The following FNBP1L variants were observed in gnomAD, a reference collection of about 807,000 sequenced individuals.
FNBP1L encodes the protein formin binding protein 1 like.
A neutral mutation model predicts 91.2 loss-of-function variants in FNBP1L; 36 were observed. The observed-to-expected ratio is 0.39, with a 90% CI of 0.30 to 0.52. The LOEUF (loss-of-function observed/expected upper bound fraction) is 0.52. Ranked by LOEUF, FNBP1L falls within the 20% of genes least tolerant of loss-of-function variation. The probability of loss-of-function intolerance (pLI) is 0.66; values close to 1 mark genes in which losing one functional copy is unlikely to be tolerated. For missense variants in FNBP1L, 571 were observed against 732.1 expected (o/e 0.78, Z 2.54); for synonymous variants, 242 against 237.0 (o/e 1.02, Z -0.19).
chr1:93,552,302 A>G (rs1672439178), intron 16 of FNBP1L, 107 bp from the exon 17 acceptor site: 2 of 1,495,982 alleles, frequency 1.3e-6, no homozygotes, highest in Admixed American at 2.3e-5. Flanking sequence ...GTAGCTGACT[A>G]TAAAATGATA....
intron 1 of FNBP1L, among the ~76,000 whole-genome samples, chr1:93,473,101 G>A (rs1209322745): frequency 6.6e-6 from 1 of 151,884 alleles, no homozygotes; most frequent in Non-Finnish European, 1.5e-5. Flanking sequence ...TTTATTCTTA[G>A]TATCATCTTA....
chr1:93,521,029 G>A (rs1162535769), intron 2 of FNBP1L, among the ~76,000 whole-genome samples: 1 of 147,194 alleles, frequency 6.8e-6, no homozygotes, highest in African/African-American at 2.5e-5. Flanking sequence ...GCGACACAGT[G>A]AGACTCCATC....
intron 1 of FNBP1L, among the ~76,000 whole-genome samples, chr1:93,458,814 T>G (rs1408907192): frequency 6.6e-6 from 1 of 152,234 alleles, no homozygotes; most frequent in Non-Finnish European, 1.5e-5. Context: ...TACTATTTAT[T>G]GTTCTAATTG....
chr1:93,479,715 A>G (rs1669624667), intron 1 of FNBP1L, among the ~76,000 whole-genome samples: 1 of 152,224 alleles, frequency 6.6e-6, no homozygotes, highest in Admixed American at 6.5e-5. Flanking sequence ...CTCTGCAAGA[A>G]GAAAAATATG....
At chr1:93,457,849 T>C (rs1668720892) in intron 1 of FNBP1L, among the ~76,000 whole-genome samples, 1 of 151,946 alleles carries the variant, frequency 6.6e-6, no homozygotes, top group South Asian at 2.1e-4. Flanking sequence ...TGGAGTGCAG[T>C]GGCACGATCT....
chr1:93,553,473 A>C lies in FNBP1L; in HGVS notation c.*1057A>C, dbSNP rs757060713. The C allele has an allele frequency of 1.3e-5, 2 of 152,618 alleles. No individual in the cohort carries two copies. Among genetic ancestry groups the C allele is most frequent in the Non-Finnish European group, 2.9e-5 (2 of 68,046 alleles). The allele number at this position is 152,618 out of a possible 1,614,324, so 9.5% of individuals were successfully genotyped here. ...TATACAGTGGTGCATCTTCAAATTT[A>C]TGCATCAAACTAAAGACATGTCCAA... On this transcript the variant is annotated 3_prime_UTR_variant, in exon 17 of 17. Coordinates refer to ENST00000271234, the MANE Select transcript of FNBP1L (RefSeq NM_001164473.3).
chr1:93,451,019 A>G (rs558979113), intron 1 of FNBP1L, among the ~76,000 whole-genome samples: 1 of 152,354 alleles, frequency 6.6e-6, no homozygotes, highest in Non-Finnish European at 1.5e-5. Context: ...AGCTGTGCTT[A>G]CAGGGATTTC....
intron 10 of FNBP1L, among the ~76,000 whole-genome samples, chr1:93,537,731 A>G (rs1046094101): frequency 1.3e-5 from 2 of 152,166 alleles, no homozygotes; most frequent in African/African-American, 4.8e-5. Flanking sequence ...AATCACTTCT[A>G]AAAGCTCTGA....
intron 1 of FNBP1L, among the ~76,000 whole-genome samples, chr1:93,459,941 ATGTGTGTGTGTG>A (rs34705153): frequency 1.7e-4 from 24 of 142,274 alleles, no homozygotes; most frequent in African/African-American, 3.3e-4. Context: ...TGGATTTCAG[ATGTGTGTGTGTG>A]TGTGTGTGTG....
chr1:93,552,232 A>G, intron 16 of FNBP1L, 177 bp from the exon 17 acceptor site: 1 of 1,393,922 alleles, frequency 7.2e-7, no homozygotes, highest in Non-Finnish European at 9.3e-7. Flanking sequence ...GTAAAGTGTG[A>G]AGAAGCAGTA....
Position 93,490,271 on chromosome 1 carries a change from G to A in FNBP1L, c.25-9197G>A, listed in dbSNP as rs574644842. Among the ~76,000 whole-genome samples, 16 of 152,240 alleles carry A rather than the reference G, an allele frequency of 1.1e-4. 1 individual carries two copies. In the East Asian group the frequency reaches 3.1e-3, roughly 29 times the overall value. ...CATTACTATACGGTAGAACCTTGTA[G>A]CAACATATAATTCGAGTTATACTAC... On this transcript the variant is annotated intron_variant, in intron 1 of 16. Transcript: ENST00000271234.
intron 2 of FNBP1L, among the ~76,000 whole-genome samples, chr1:93,506,650 C>G (rs937682737): frequency 6.6e-6 from 1 of 152,146 alleles, no homozygotes; most frequent in Admixed American, 6.6e-5. Flanking sequence ...GTGATTAGAA[C>G]TCAGCCTCTC....
chr1:93,546,926 G>C lies in FNBP1L; in HGVS notation c.1359G>C (p.Glu453Asp). ...GGAGTTTGCAGCCTAAATTAGCAGA[G>C]ACCATGAATAACATTGACCGCCTAC... ...DPGSLQPKLA[E>D]TMNNIDRLRM... The change falls in exon 13 of 17, where the codon GAG becomes GAC. Residue 453 changes from glutamate (E) to aspartate (D), a missense_variant. Transcript: ENST00000271234. The C allele has an allele frequency of 1.2e-6, 2 of 1,612,902 alleles. No homozygotes were observed. The highest frequency in any genetic ancestry group is 1.7e-6 in the Non-Finnish European group (2 of 1,179,408).
In FNBP1L at chr1:93,549,388, C is replaced by T. The variant is rs905367493; in HGVS notation, c.1613C>T (p.Pro538Leu). The part of the protein sequence containing the change: ...DDEFEDDDPL[P>L]AIGHCKAIYP... ...GAATTTGAGGATGATGATCCCTTGC[C>T]TGCTATTGGACACTGCAAAGCTATC... Residue 538 changes from proline (P) to leucine (L), a missense_variant, in exon 15 of 17, where the codon CCT (proline) becomes CTT (leucine). Physicochemically the swap from Pro to Leu is moderately conservative, Grantham distance 98. This residue lies in a region of FNBP1L where 189 missense variants were observed against 219.7 expected (regional missense o/e 0.86). Transcript: ENST00000271234. 2 of 1,611,810 alleles carry T rather than the reference C, an allele frequency of 1.2e-6. No homozygotes were observed. Among genetic ancestry groups the T allele is most frequent in the Non-Finnish European group, 1.7e-6 (2 of 1,179,120 alleles).
chr1:93,482,385 G>A (rs1447993225), intron 1 of FNBP1L, among the ~76,000 whole-genome samples: 1 of 152,024 alleles, frequency 6.6e-6, no homozygotes, highest in East Asian at 1.9e-4. Context: ...GCCATTTTAT[G>A]TAAATGTTAA....
At chr1:93,462,457 A>G (rs1401221304) in intron 1 of FNBP1L, among the ~76,000 whole-genome samples, 1 of 152,168 alleles carries the variant, frequency 6.6e-6, no homozygotes, top group African/African-American at 2.4e-5. Flanking sequence ...ACTAAAGGCC[A>G]CAGTTTATTA....
chr1:93,549,373 A>T lies in FNBP1L; in HGVS notation c.1598A>T (p.Asp533Val), dbSNP rs1672334515. Residue 533 changes from aspartate to valine, a missense_variant, in exon 15 of 17, where the codon GAT (aspartate) becomes GTT (valine). By Grantham distance (152) the Asp-to-Val change is radical. Around this residue, in one of 5 missense-constraint regions of FNBP1L, gnomAD observed 189 missense variants for 219.7 expected, o/e 0.86. Coordinates refer to ENST00000271234, the MANE Select transcript of FNBP1L (RefSeq NM_001164473.3). Reference protein sequence around the residue: ...HHNEFDDEFEDDDPLPAIGHC... With the variant: ...HHNEFDDEFEVDDPLPAIGHC... ...AATGAGTTTGATGATGAATTTGAGG[A>T]TGATGATCCCTTGCCTGCTATTGGA... The T allele has an allele frequency of 6.2e-7, 1 of 1,612,524 alleles. No individual in the cohort carries two copies. Among genetic ancestry groups the T allele is most frequent in the Non-Finnish European group, 8.5e-7 (1 of 1,179,382 alleles).
chr1:93,502,622 G>C (rs1476950270), intron 2 of FNBP1L, among the ~76,000 whole-genome samples: 1 of 152,166 alleles, frequency 6.6e-6, no homozygotes, highest in Non-Finnish European at 1.5e-5. Context: ...TGAAACAAGG[G>C]TGGCTAGAAC....
chr1:93,546,762 TC>T, intron 12 of FNBP1L, 79 bp from the exon 13 acceptor site: 1 of 1,472,664 alleles, frequency 6.8e-7, no homozygotes, highest in Admixed American at 2.0e-5. Flanking sequence ...TGCGTACGAG[TC>T]CCCAGAGTCC....
Sources: gnomAD v4.1 joint callset for allele counts (sites outside exome capture counted in the v4.1 genomes callset) on GRCh38, gnomAD v4.1.1 for gene constraint, gnomAD v4.1.1 regional missense constraint, MANE v1.5 for transcripts, NCBI Gene and HGNC (gene_info 2026-07-23, HGNC 2026-07-21) for gene names.